Variants in PIP5K1B observed in about 807,000 individuals in gnomAD.
PIP5K1B encodes phosphatidylinositol 4-phosphate 5-kinase type-1 beta.
In PIP5K1B, 42 loss-of-function variants were observed where a neutral mutation model predicts 67.0. The ratio of observed to expected loss-of-function variants is 0.63; its 90% confidence interval spans 0.49 to 0.81. The LOEUF is 0.81. Among genes scored for constraint, PIP5K1B ranks in the 30% least tolerant of loss-of-function variants. PIP5K1B has a pLI of 0.00. For synonymous variants in PIP5K1B, 214 were observed against 231.4 expected (o/e 0.92, Z 0.68); for missense variants, 459 against 646.3 (o/e 0.71, Z 3.14).
intron 4 of PIP5K1B, among the ~76,000 whole-genome samples, chr9:68,825,308 T>C (rs879764118): frequency 6.6e-5 from 10 of 152,204 alleles, no homozygotes; most frequent in Non-Finnish European, 1.2e-4. Flanking sequence ...TTATTGTGTT[T>C]GTATCTGGTT....
chr9:68,857,416 C>T (rs7040065), intron 4 of PIP5K1B, among the ~76,000 whole-genome samples: 3 of 151,846 alleles, frequency 2.0e-5, no homozygotes, highest in Non-Finnish European at 4.4e-5. Flanking sequence ...CATGCAATCT[C>T]TCTCTCTTTT....
chr9:68,760,032 T>G (rs1830115368), intron 2 of PIP5K1B, among the ~76,000 whole-genome samples: 1 of 152,100 alleles, frequency 6.6e-6, no homozygotes, highest in African/African-American at 2.4e-5. Flanking sequence ...GTTAAGACAT[T>G]AGGAGATCTG....
chr9:68,847,413 T>TGTGTGTG (rs1822248062), intron 4 of PIP5K1B, among the ~76,000 whole-genome samples: 2 of 101,616 alleles, frequency 2.0e-5, no homozygotes, highest in African/African-American at 3.9e-5. Flanking sequence ...AGCAGTGGTT[T>TGTGTGTG]TGTGTGTGTG....
At chr9:68,865,200 A>G (rs934406038) in intron 5 of PIP5K1B, among the ~76,000 whole-genome samples, 8 of 152,110 alleles carry the variant, frequency 5.3e-5, no homozygotes, top group African/African-American at 1.7e-4. Flanking sequence ...CAGAAAATGG[A>G]CAACCGCAAG....
chr9:68,920,027 T>A (rs976509611), intron 11 of PIP5K1B, among the ~76,000 whole-genome samples: 2 of 152,174 alleles, frequency 1.3e-5, no homozygotes, highest in Non-Finnish European at 2.9e-5. Context: ...GTAGGGATGA[T>A]CAGTAGGGCA....
chr9:68,749,515 A>T (rs1404895716), intron 2 of PIP5K1B, among the ~76,000 whole-genome samples: 1 of 152,144 alleles, frequency 6.6e-6, no homozygotes, highest in Non-Finnish European at 1.5e-5. Flanking sequence ...TAAGCCACCA[A>T]ATTTAGTGTA....
At chr9:68,977,257 C>T (rs1348551499) in intron 14 of PIP5K1B, among the ~76,000 whole-genome samples, 3 of 152,174 alleles carry the variant, frequency 2.0e-5, no homozygotes, top group Non-Finnish European at 1.5e-5. Context: ...CATGGTGGCT[C>T]ACGGCTGTAA....
intron 2 of PIP5K1B, among the ~76,000 whole-genome samples, chr9:68,799,897 A>G (rs984742889): frequency 2.6e-5 from 4 of 152,216 alleles, no homozygotes; most frequent in East Asian, 1.9e-4. Flanking sequence ...GACTAGGACA[A>G]TATCAAACTC....
chr9:68,865,335 C>G (rs1462035076), intron 5 of PIP5K1B, among the ~76,000 whole-genome samples: 1 of 151,388 alleles, frequency 6.6e-6, no homozygotes, highest in African/African-American at 2.4e-5. Context: ...ACATGTTTTT[C>G]TCTTAAAAGC....
At chr9:68,831,047 G>T (rs2132109109) in intron 4 of PIP5K1B, among the ~76,000 whole-genome samples, 1 of 152,198 alleles carries the variant, frequency 6.6e-6, no homozygotes, top group East Asian at 1.9e-4. Context: ...AAATTCTAAA[G>T]TTCTCTGTTC....
At chr9:68,736,275 C>T (rs977024495) in intron 1 of PIP5K1B, among the ~76,000 whole-genome samples, 3 of 152,188 alleles carry the variant, frequency 2.0e-5, no homozygotes, top group Admixed American at 6.5e-5. Context: ...GTTAAAAAGT[C>T]TTTTACTCTA....
At chr9:68,808,390 C>G (rs1195316617) in intron 2 of PIP5K1B, among the ~76,000 whole-genome samples, 2 of 152,086 alleles carry the variant, frequency 1.3e-5, no homozygotes, top group East Asian at 3.9e-4. Flanking sequence ...TAATTACTCC[C>G]CCCGACTCCC....
At chr9:68,923,728 T>C (rs1826529978) in intron 12 of PIP5K1B, among the ~76,000 whole-genome samples, 1 of 152,196 alleles carries the variant, frequency 6.6e-6, no homozygotes, top group Admixed American at 6.5e-5. Flanking sequence ...TTTATGTAGT[T>C]ATCAGTCTGT....
intron 1 of PIP5K1B, among the ~76,000 whole-genome samples, chr9:68,714,508 C>A (rs1827541012): frequency 1.3e-5 from 2 of 152,308 alleles, no homozygotes; most frequent in South Asian, 2.1e-4. Flanking sequence ...CACTCTGGGT[C>A]TCCTAGAATC....
chr9:68,959,364 C>CT (rs1242887307), intron 14 of PIP5K1B, among the ~76,000 whole-genome samples: 1 of 152,114 alleles, frequency 6.6e-6, no homozygotes, highest in Non-Finnish European at 1.5e-5. Context: ...CTTCATATTT[C>CT]TTTTCATATT....
intron 3 of PIP5K1B, among the ~76,000 whole-genome samples, chr9:68,819,256 TA>T (rs1833608999): frequency 6.6e-6 from 1 of 152,174 alleles, no homozygotes; most frequent in African/African-American, 2.4e-5. Flanking sequence ...GTCCCTTATC[TA>T]AAATGACACA....
intron 4 of PIP5K1B, among the ~76,000 whole-genome samples, chr9:68,825,560 C>G (rs902699319): frequency 3.3e-5 from 5 of 152,204 alleles, no homozygotes; most frequent in Non-Finnish European, 4.4e-5. Context: ...AATTTCTTTC[C>G]CAGTCCTGAA....
At chr9:68,942,359 A>G (rs1827603420) in intron 14 of PIP5K1B, among the ~76,000 whole-genome samples, 1 of 152,242 alleles carries the variant, frequency 6.6e-6, no homozygotes, top group Non-Finnish European at 1.5e-5. Context: ...GTTTGCTGTC[A>G]TGATAATTAT....
chr9:68,980,372 C>G (rs558534170), intron 14 of PIP5K1B, among the ~76,000 whole-genome samples: 6 of 152,300 alleles, frequency 3.9e-5, no homozygotes, highest in Admixed American at 2.0e-4. Context: ...TGTGGGTGTT[C>G]TCTGCAGGTA....
Sources: gnomAD v4.1 joint callset for allele counts (sites outside exome capture counted in the v4.1 genomes callset) on GRCh38, gnomAD v4.1.1 for gene constraint, MANE v1.5 for transcripts, NCBI Gene and HGNC (gene_info 2026-07-23, HGNC 2026-07-21) for gene names.